Variants in BRWD1 observed in about 807,000 individuals in gnomAD.
The protein encoded by BRWD1 is bromodomain and WD repeat domain containing 1.
Under a neutral mutation model 251.2 loss-of-function variants are expected in BRWD1, and 82 were observed. The observed-to-expected ratio is 0.33, with a 90% CI of 0.27 to 0.39. The LOEUF is 0.39. Among genes scored for constraint, BRWD1 ranks in the 10% least tolerant of loss-of-function variants. The pLI is 1.00. For synonymous variants in BRWD1, 918 were observed against 902.8 expected (o/e 1.02, Z -0.30); for missense variants, 2,233 against 2,711.6 (o/e 0.82, Z 3.92).
chr21:39,300,188 A>G (rs1447260748), intron 4 of BRWD1, among the ~76,000 whole-genome samples: 2 of 152,230 alleles, frequency 1.3e-5, no homozygotes, highest in South Asian at 4.1e-4. Context: ...ATTTTTTCCC[A>G]TAGGCCTTCA....
chr21:39,187,859 A>T lies in BRWD1; in HGVS notation c.*8400T>A. On this transcript the variant is annotated 3_prime_UTR_variant, in exon 41 of 41. Coordinates refer to ENST00000342449, the MANE Select transcript of BRWD1 (RefSeq NM_033656.4). ...GAACCAAAAAGTGCAGAGTGCTATG[A>T]GAACACAGACTGGAAACCTAACCTA... 1.0e-6 allele frequency: 1 copy of T among 984,428 alleles called. No individual in the cohort carries two copies. 61.0% of individuals were successfully genotyped at this position (984,428 alleles called of 1,614,324 possible). A position where few individuals can be genotyped will look rare whatever the true frequency, so the allele number is the denominator to read the frequency against.
Position 39,196,491 on chromosome 21 carries a change from G to A in BRWD1, c.6578C>T (p.Thr2193Ile). Reference sequence around the variant, plus strand: ...AGTTTTAGATATGTTAGCTGTAAAAGTTTTACCTTTTCTAACTACTTTTGC... The same window carrying A: ...AGTTTTAGATATGTTAGCTGTAAAAATTTTACCTTTTCTAACTACTTTTGC... ...GKAKVVRKGK[T>I]FTANISKTVR... is the part of the protein sequence containing the mutation. The change falls in exon 41 of 41, where the codon ACT becomes ATT. Residue 2193 changes from threonine to isoleucine, a missense_variant. By Grantham distance (89) the Thr-to-Ile change is moderately conservative (BLOSUM62 -1). Around this residue, in one of 12 missense-constraint regions of BRWD1, gnomAD observed 928 missense variants for 970.0 expected, o/e 0.96. Coordinates refer to ENST00000342449, the MANE Select transcript of BRWD1 (RefSeq NM_033656.4). 1.9e-6 allele frequency: 3 copies of A among 1,613,436 alleles called. No individual in the cohort carries two copies. The highest frequency in any genetic ancestry group is 1.1e-5 in the South Asian group (1 of 91,000).
At position 39,195,087 on chromosome 21, in the gene BRWD1, A is replaced by G; in HGVS notation, c.*1172T>C. 8.2e-7 allele frequency: 1 copy of G among 1,219,318 alleles called. No homozygotes were observed. Among genetic ancestry groups the G allele is most frequent in the Non-Finnish European group, 1.0e-6 (1 of 975,874 alleles). 75.5% of individuals were successfully genotyped at this position (1,219,318 alleles called of 1,614,324 possible). The stretch of plus-strand genomic sequence containing the variant: ...TAAACTTTCACTTTAAATGGATTAT[A>G]AAATTATTTTCCCACAAAACATGAC... On this transcript the variant is annotated 3_prime_UTR_variant, in exon 41 of 41. Coordinates refer to ENST00000342449, the MANE Select transcript of BRWD1 (RefSeq NM_033656.4).
At position 39,185,688 on chromosome 21, in the gene BRWD1, C is replaced by T. The variant is rs2031191887; in HGVS notation, c.*10571G>A. 1 of 123,968 alleles carries T rather than the reference C, an allele frequency of 8.1e-6. No homozygotes were observed. Among genetic ancestry groups the T allele is most frequent in the Admixed American group, 8.8e-5 (1 of 11,326 alleles). The allele number at this position is 123,968 out of a possible 1,614,324, so 7.7% of individuals were successfully genotyped here. On this transcript the variant is annotated 3_prime_UTR_variant, in exon 41 of 41. Transcript: ENST00000342449. ...CCACAAATTTCTCAAGTATTTTAGA[C>T]ACTTGGTTCATCTGTATAACAAAAA...
chr21:39,225,253 T>A, intron 27 of BRWD1, 56 bp from the exon 28 acceptor site: 1 of 1,264,102 alleles, frequency 7.9e-7, no homozygotes, highest in South Asian at 1.2e-5. Context: ...CATTAACATT[T>A]TTTTAATCTA....
intron 21 of BRWD1, among the ~76,000 whole-genome samples, chr21:39,238,793 A>C (rs1214305086): frequency 6.6e-6 from 1 of 152,236 alleles, no homozygotes; most frequent in Non-Finnish European, 1.5e-5. Flanking sequence ...CGTAAGATTT[A>C]ACACTACCAC....
At chr21:39,258,394 T>C in intron 18 of BRWD1, 93 bp downstream of exon 18, 1 of 1,091,746 alleles carries the variant, frequency 9.2e-7, no homozygotes, top group Non-Finnish European at 1.3e-6. Flanking sequence ...TTTACTTAAG[T>C]TTCTCACATT....
At chr21:39,197,686 T>C (rs758089817) in intron 40 of BRWD1, among the ~76,000 whole-genome samples, 5 of 152,182 alleles carry the variant, frequency 3.3e-5, no homozygotes, top group East Asian at 1.9e-4. Context: ...CTAGGTTATA[T>C]GGTATAGCCT....
chr21:39,250,951 A>G (rs1217279337), intron 19 of BRWD1, 62 bp from the exon 20 acceptor site: 1 of 992,662 alleles, frequency 1.0e-6, no homozygotes, highest in Non-Finnish European at 1.5e-6. Context: ...AAGGATATAA[A>G]GAATAAAAAC....
chr21:39,291,025 G>A (rs2035791826), intron 8 of BRWD1, among the ~76,000 whole-genome samples: 1 of 152,108 alleles, frequency 6.6e-6, no homozygotes, highest in African/African-American at 2.4e-5. Context: ...AGCTACTCGA[G>A]AGGTTGAGAT....
chr21:39,277,335 G>A lies in BRWD1; in HGVS notation c.1020C>T (p.Ala340=), dbSNP rs989150908. 3.8e-6 allele frequency: 6 copies of A among 1,587,468 alleles called. No individual in the cohort carries two copies. Among genetic ancestry groups the A allele is most frequent in the South Asian group, 1.2e-5 (1 of 86,226 alleles). ...SSFSVGGMFL[A]TGSTDHVIRM... ...TGATTACATGATCAGTACTACCTGT[G>A]GCTAAAAACATACCACCTGAAATAA... Residue 340 remains alanine, a synonymous_variant, in exon 11 of 41, where the codon GCC becomes GCT. Transcript: ENST00000342449.
At chr21:39,320,419 C>T (rs544489905) in intron 1 of BRWD1, among the ~76,000 whole-genome samples, 1 of 152,190 alleles carries the variant, frequency 6.6e-6, no homozygotes, top group African/African-American at 2.4e-5. Flanking sequence ...ACTGCAGCCT[C>T]GATCTTTCAG....
intron 34 of BRWD1, among the ~76,000 whole-genome samples, chr21:39,211,296 A>G (rs947070968): frequency 6.6e-6 from 1 of 152,226 alleles, no homozygotes; most frequent in Non-Finnish European, 1.5e-5. Context: ...AGATGTCCAC[A>G]TCATAATCCT....
At position 39,236,754 on chromosome 21, in the gene BRWD1, T is replaced by G. The variant is rs142189970; in HGVS notation, c.2607A>C (p.Thr869=). 6.2e-7 allele frequency: 1 copy of G among 1,613,914 alleles called. No homozygotes were observed. Residue 869 remains threonine (T), a synonymous_variant, in exon 23 of 41, where the codon ACA becomes ACC. Transcript: ENST00000342449. The stretch of plus-strand genomic sequence containing the variant: ...GCTGCAAATTGATGCCCGCATCAGC[T>G]GTCCAATCGGAATATCTAGATGAAG... ...SDSSSRYSDW[T]ADAGINLQPP...
chr21:39,191,548 T>C lies in BRWD1; in HGVS notation c.*4711A>G. The stretch of plus-strand genomic sequence containing the variant: ...GTGAAGTGGAAAACTAAAGATCTGC[T>C]TGACAGGCTCATGTAATTTTTTGAT... On this transcript the variant is annotated 3_prime_UTR_variant, in exon 41 of 41. Transcript: ENST00000342449. 2 of 983,114 alleles carry C rather than the reference T, an allele frequency of 2.0e-6. No individual in the cohort carries two copies. Among genetic ancestry groups the C allele is most frequent in the Non-Finnish European group, 2.4e-6 (2 of 827,858 alleles). The allele number at this position is 983,114 out of a possible 1,614,324, so 60.9% of individuals were successfully genotyped here.
chr21:39,203,885 C>T (rs1021594786), intron 37 of BRWD1, among the ~76,000 whole-genome samples: 1 of 142,756 alleles, frequency 7.0e-6, no homozygotes, highest in African/African-American at 2.6e-5. Flanking sequence ...GGCACAGTGG[C>T]TTATGCATGT....
At chr21:39,203,441 T>TC (rs2032218494) in intron 37 of BRWD1, among the ~76,000 whole-genome samples, 5 of 125,298 alleles carry the variant, frequency 4.0e-5, no homozygotes, top group African/African-American at 1.7e-4. Context: ...CCTGGTTCTT[T>TC]TTTTTTTTTT....
chr21:39,304,154 A>T (rs2036210028), intron 4 of BRWD1, among the ~76,000 whole-genome samples: 1 of 151,454 alleles, frequency 6.6e-6, no homozygotes, highest in Non-Finnish European at 1.5e-5. Context: ...AAAAAAAAAA[A>T]AAAAAAAAGA....
At chr21:39,248,966 T>C (rs2034301320) in intron 20 of BRWD1, among the ~76,000 whole-genome samples, 2 of 152,102 alleles carry the variant, frequency 1.3e-5, no homozygotes, top group Non-Finnish European at 2.9e-5. Flanking sequence ...TCAGCCTAAA[T>C]GCCCATCAAT....
Sources: gnomAD v4.1 joint callset for allele counts (sites outside exome capture counted in the v4.1 genomes callset) on GRCh38, gnomAD v4.1.1 for gene constraint, gnomAD v4.1.1 regional missense constraint, MANE v1.5 for transcripts, NCBI Gene and HGNC (gene_info 2026-07-23, HGNC 2026-07-21) for gene names.